RAB27B: variants seen among roughly 807,000 people sequenced by gnomAD.
The protein encoded by RAB27B is ras-related protein Rab-27B.
RAB27B carries 15 observed loss-of-function variants against 24.6 expected under a neutral mutation model. The ratio of observed to expected loss-of-function variants is 0.61; its 90% CI spans 0.41 to 0.94. RAB27B has a LOEUF of 0.94. Ranked by LOEUF, RAB27B falls within the 40% of genes least tolerant of loss-of-function variation. RAB27B has a pLI of 0.00. For synonymous variants in RAB27B, 105 were observed against 92.5 expected (o/e 1.14, Z -0.78); for missense variants, 261 against 266.8 (o/e 0.98, Z 0.15).
rs990171258 is a variant in RAB27B, at chr18:54,733,661, C to A, written c.-20+15520C>A. ...TCTTCTGTTCTAGAGCCCCCCCCCC[C>A]CAAATTTGCTAAGCTCCTTGGCCTT... On this transcript the variant is annotated intron_variant, in intron 2 of 4. Transcript: ENST00000586570. 3.0e-5 allele frequency among the ~76,000 whole-genome samples: 4 copies of A among 131,416 alleles called. 1 individual carries two copies. The highest frequency in any genetic ancestry group is 7.3e-5 in the Admixed American group (1 of 13,620). 86.2% of individuals were successfully genotyped at this position (131,416 alleles called of 152,430 possible).
At chr18:54,724,995 T>A (rs1909484845) in intron 2 of RAB27B, among the ~76,000 whole-genome samples, 1 of 151,552 alleles carries the variant, frequency 6.6e-6, no homozygotes, top group African/African-American at 2.4e-5. Context: ...GTAAGAGAAC[T>A]TTTCTAGACC....
chr18:54,774,609 C>T (rs1054460930), intron 2 of RAB27B, among the ~76,000 whole-genome samples: 1 of 152,174 alleles, frequency 6.6e-6, no homozygotes, highest in East Asian at 1.9e-4. Context: ...ATGCTTATTG[C>T]ATTTTAGAGA....
intron 1 of RAB27B, among the ~76,000 whole-genome samples, chr18:54,842,894 A>G (rs937962615): frequency 6.6e-6 from 1 of 152,120 alleles, no homozygotes; most frequent in African/African-American, 2.4e-5. Flanking sequence ...TCCCGGGTTC[A>G]TGCCATTCTC....
intron 1 of RAB27B, among the ~76,000 whole-genome samples, chr18:54,843,274 A>G (rs931075897): frequency 6.6e-6 from 1 of 152,226 alleles, no homozygotes; most frequent in Non-Finnish European, 1.5e-5. Context: ...ACAATAAATT[A>G]CAATAAATTA....
intron 2 of RAB27B, among the ~76,000 whole-genome samples, chr18:54,814,268 T>C (rs910327105): frequency 2.0e-5 from 3 of 152,220 alleles, no homozygotes; most frequent in African/African-American, 7.2e-5. Flanking sequence ...GCCATTGCAC[T>C]GGGAAAGCTG....
chr18:54,810,127 G>A (rs942899893), intron 2 of RAB27B, among the ~76,000 whole-genome samples: 3 of 152,158 alleles, frequency 2.0e-5, no homozygotes, highest in African/African-American at 7.2e-5. Context: ...CATACTGAGT[G>A]AGAGATGGAA....
chr18:54,846,047 T>C (rs1206311419), intron 1 of RAB27B, among the ~76,000 whole-genome samples: 6 of 152,230 alleles, frequency 3.9e-5, no homozygotes, highest in Non-Finnish European at 7.3e-5. Flanking sequence ...ATTTATTTAA[T>C]GTTTTTCACA....
At chr18:54,733,320 T>C (rs1909784581) in intron 2 of RAB27B, among the ~76,000 whole-genome samples, 1 of 152,144 alleles carries the variant, frequency 6.6e-6, no homozygotes, top group South Asian at 2.1e-4. Flanking sequence ...AGCACTGGGA[T>C]TACAGGCATG....
chr18:54,849,411 A>T (rs1228893369), intron 1 of RAB27B, among the ~76,000 whole-genome samples: 1 of 152,186 alleles, frequency 6.6e-6, no homozygotes, highest in East Asian at 1.9e-4. Context: ...CTGCACCAGC[A>T]CCTGCACTAT....
Position 54,889,388 on chromosome 18 carries a change from C to A in RAB27B, c.632C>A (p.Pro211Gln). ...TCTGGAAACTTGGATGGGGAAAAGCCACCAGAGAAGAAATGTATCTGCTAG... is the reference window on the plus strand; with the variant it reads ...TCTGGAAACTTGGATGGGGAAAAGCAACCAGAGAAGAAATGTATCTGCTAG... Reference protein sequence around the residue: ...GNSGNLDGEKPPEKKCIC With the variant: ...GNSGNLDGEKQPEKKCIC The change falls in exon 6 of 6, where the codon CCA becomes CAA. Residue 211 changes from proline to glutamine, a missense_variant. Physicochemically the swap from Pro to Gln is moderately conservative, Grantham distance 76 (BLOSUM62 -1). Transcript: ENST00000262094. The A allele has an allele frequency of 6.2e-7, 1 of 1,612,678 alleles. No individual in the cohort carries two copies. The highest frequency in any genetic ancestry group is 8.5e-7 in the Non-Finnish European group (1 of 1,179,180).
At chr18:54,766,777 T>A (rs1908376066) in intron 2 of RAB27B, among the ~76,000 whole-genome samples, 1 of 152,178 alleles carries the variant, frequency 6.6e-6, no homozygotes. Context: ...GATAATGAAC[T>A]CAGGTTGTTA....
At chr18:54,774,746 C>A (rs1908662112) in intron 2 of RAB27B, among the ~76,000 whole-genome samples, 1 of 152,190 alleles carries the variant, frequency 6.6e-6, no homozygotes. Context: ...ATTGTTTAAG[C>A]CAGTAAAATA....
intron 1 of RAB27B, among the ~76,000 whole-genome samples, chr18:54,872,998 T>G (rs1034037949): frequency 6.6e-6 from 1 of 152,170 alleles, no homozygotes; most frequent in Non-Finnish European, 1.5e-5. Context: ...GAAGAGTGAA[T>G]CCATGAGCAA....
intron 1 of RAB27B, among the ~76,000 whole-genome samples, chr18:54,858,127 C>T (rs1029107019): frequency 3.9e-5 from 6 of 152,012 alleles, no homozygotes; most frequent in East Asian, 3.9e-4. Flanking sequence ...GATTAACTAC[C>T]GAGTAATATT....
intron 2 of RAB27B, among the ~76,000 whole-genome samples, chr18:54,725,084 C>T (rs1909487796): frequency 6.6e-6 from 1 of 151,304 alleles, no homozygotes; most frequent in African/African-American, 2.4e-5. Context: ...TGTTTCATGG[C>T]AATGTGGTGC....
intron 2 of RAB27B, among the ~76,000 whole-genome samples, chr18:54,719,127 A>G (rs557744329): frequency 1.2e-4 from 19 of 152,176 alleles, no homozygotes; most frequent in Non-Finnish European, 2.5e-4. Flanking sequence ...CTAAGACACA[A>G]TGCAAGGCAT....
chr18:54,831,738 T>C (rs1041558276), intron 1 of RAB27B, among the ~76,000 whole-genome samples: 14 of 150,838 alleles, frequency 9.3e-5, no homozygotes, highest in African/African-American at 3.4e-4. Flanking sequence ...GACTGTGTGA[T>C]TCGGTGGTCA....
intron 1 of RAB27B, among the ~76,000 whole-genome samples, chr18:54,866,564 C>G (rs1245272701): frequency 1.3e-5 from 2 of 152,238 alleles, no homozygotes; most frequent in African/African-American, 4.8e-5. Flanking sequence ...TCCCAAAGTA[C>G]TGGGATTACT....
intron 2 of RAB27B, among the ~76,000 whole-genome samples, chr18:54,818,469 T>A (rs1437301310): frequency 1.3e-5 from 2 of 150,418 alleles, no homozygotes; most frequent in African/African-American, 4.9e-5. Context: ...AGTTCCATAT[T>A]TTTTTTTTGG....
Sources: allele counts gnomAD v4.1 joint callset (sites outside exome capture counted in the v4.1 genomes callset), GRCh38; gene constraint gnomAD v4.1.1; transcripts MANE v1.5; gene names NCBI Gene and HGNC (gene_info 2026-07-23, HGNC 2026-07-21).